Variants in LRBA observed in about 807,000 individuals in gnomAD.
The protein encoded by LRBA is lipopolysaccharide-responsive and beige-like anchor protein.
LRBA carries 176 observed loss-of-function variants against 330.0 expected under a neutral mutation model. The observed-to-expected ratio is 0.53, with a 90% CI of 0.47 to 0.60. The LOEUF is 0.60. Among genes scored for constraint, LRBA ranks in the 20% least tolerant of loss-of-function variants. LRBA has a pLI of 0.00. For synonymous variants in LRBA, 1,230 were observed against 1,193.0 expected, an observed-to-expected ratio of 1.03 and a Z score of -0.64; for missense variants, 3,259 against 3,444.8, an observed-to-expected ratio of 0.95 and a Z score of 1.35.
intron 37 of LRBA, among the ~76,000 whole-genome samples, chr4:150,671,029 TGTGTGTGTGTGTGAGAGA>T: frequency 6.8e-6 from 1 of 147,680 alleles, no homozygotes; most frequent in East Asian, 2.0e-4. Flanking sequence ...TGTGTGTGTG[TGTGTGTGTGTGTGAGAGA>T]GAGAGAGAGA....
At chr4:150,978,061 G>A (rs1281469868) in intron 2 of LRBA, among the ~76,000 whole-genome samples, 1 of 152,150 alleles carries the variant, frequency 6.6e-6, no homozygotes, top group Admixed American at 6.5e-5. Context: ...CCAGGTAGTG[G>A]TTATAGCAGG....
chr4:150,340,878 C>T (rs972823444), intron 48 of LRBA, among the ~76,000 whole-genome samples: 79 of 152,058 alleles, frequency 5.2e-4, no homozygotes, highest in African/African-American at 1.7e-3. Context: ...AGAGAACAGA[C>T]GACATGAGAT....
chr4:150,586,825 A>T (rs1200438551), intron 40 of LRBA, among the ~76,000 whole-genome samples: 3 of 152,206 alleles, frequency 2.0e-5, no homozygotes, highest in South Asian at 2.1e-4. Context: ...TAAAAGCATG[A>T]TAGAATATCT....
At chr4:150,556,097 T>C (rs1767285415) in intron 40 of LRBA, among the ~76,000 whole-genome samples, 1 of 151,988 alleles carries the variant, frequency 6.6e-6, no homozygotes, top group African/African-American at 2.4e-5. Flanking sequence ...GCCACTGTGC[T>C]CAGCCTAGAA....
At chr4:150,611,255 G>A (rs1220735528) in intron 37 of LRBA, among the ~76,000 whole-genome samples, 1 of 152,118 alleles carries the variant, frequency 6.6e-6, no homozygotes, top group Non-Finnish European at 1.5e-5. Context: ...ATGCTAGTAC[G>A]TATTTTACAT....
intron 2 of LRBA, among the ~76,000 whole-genome samples, chr4:150,974,544 C>T (rs888705418): frequency 1.3e-5 from 2 of 152,128 alleles, no homozygotes; most frequent in Admixed American, 1.3e-4. Context: ...AGTTGTACAA[C>T]TAAACAAGGA....
chr4:150,780,933 G>C (rs911606923), intron 34 of LRBA, among the ~76,000 whole-genome samples: 11 of 152,034 alleles, frequency 7.2e-5, no homozygotes, highest in African/African-American at 2.7e-4. Flanking sequence ...AGGCTGGAGT[G>C]CAGTGGCACC....
intron 40 of LRBA, among the ~76,000 whole-genome samples, chr4:150,536,284 G>C (rs1406353776): frequency 1.3e-5 from 2 of 152,100 alleles, no homozygotes. Flanking sequence ...TATTGATTAG[G>C]TATGAGATAA....
intron 46 of LRBA, among the ~76,000 whole-genome samples, chr4:150,427,878 T>C (rs762419914): frequency 1.8e-4 from 27 of 152,006 alleles, no homozygotes; most frequent in Non-Finnish European, 3.1e-4. Context: ...ATGTTGATGA[T>C]ATCAGCATCC....
chr4:150,954,857 G>A (rs2149552726), intron 2 of LRBA, among the ~76,000 whole-genome samples: 2 of 107,292 alleles, frequency 1.9e-5, no homozygotes, highest in East Asian at 2.7e-4. Context: ...GGAACACCAA[G>A]TATATCATTT....
chr4:150,687,871 T>C (rs113284641), intron 36 of LRBA, among the ~76,000 whole-genome samples: 12 of 152,264 alleles, frequency 7.9e-5, no homozygotes, highest in Middle Eastern at 3.4e-3. Context: ...AAAATGGCCA[T>C]ACTATCCAAA....
chr4:150,639,819 GTATATATATA>G (rs56731034), intron 37 of LRBA, among the ~76,000 whole-genome samples: 69 of 4,518 alleles, frequency 0.015, 3 homozygotes, highest in Middle Eastern at 0.12. Context: ...GTGTGTGTGT[GTATATATATA>G]TATATATATA....
intron 50 of LRBA, among the ~76,000 whole-genome samples, chr4:150,316,225 T>A (rs1313371268): frequency 6.6e-6 from 1 of 152,188 alleles, no homozygotes; most frequent in Non-Finnish European, 1.5e-5. Flanking sequence ...AAAAAGAAGT[T>A]TTATTAATAT....
At chr4:150,334,376 A>G (rs1734357250) in intron 48 of LRBA, among the ~76,000 whole-genome samples, 1 of 152,194 alleles carries the variant, frequency 6.6e-6, no homozygotes, top group African/African-American at 2.4e-5. Context: ...GAAATTCAAC[A>G]GAAGTGATTC....
chr4:150,276,126 C>T (rs1344709830), intron 56 of LRBA, among the ~76,000 whole-genome samples: 3 of 152,146 alleles, frequency 2.0e-5, no homozygotes, highest in Non-Finnish European at 4.4e-5. Context: ...AGAAATAACA[C>T]CATGCATCTA....
At chr4:150,860,556 G>A (rs764773010) in intron 22 of LRBA, among the ~76,000 whole-genome samples, 4 of 152,118 alleles carry the variant, frequency 2.6e-5, no homozygotes, top group South Asian at 4.1e-4. Flanking sequence ...GGCCGGGCGC[G>A]GTGGTTCACA....
intron 36 of LRBA, among the ~76,000 whole-genome samples, chr4:150,718,520 T>C (rs1025367134): frequency 1.3e-5 from 2 of 152,014 alleles, no homozygotes; most frequent in Non-Finnish European, 2.9e-5. Context: ...AGTTAGAACA[T>C]GAGCATACTT....
At chr4:150,426,429 A>T (rs906966713) in intron 46 of LRBA, among the ~76,000 whole-genome samples, 1 of 151,990 alleles carries the variant, frequency 6.6e-6, no homozygotes, top group Admixed American at 6.6e-5. Context: ...TAGTAGAAAA[A>T]ATAATTGGGT....
chr4:150,670,911 C>T (rs1275666501), intron 37 of LRBA, among the ~76,000 whole-genome samples: 1 of 151,800 alleles, frequency 6.6e-6, no homozygotes, highest in East Asian at 1.9e-4. Flanking sequence ...ATTTTAGATT[C>T]ATTATCTTTC....
Sources: allele counts gnomAD v4.1 joint callset (sites outside exome capture counted in the v4.1 genomes callset), GRCh38; gene constraint gnomAD v4.1.1; transcripts MANE v1.5; gene names NCBI Gene and HGNC (gene_info 2026-07-23, HGNC 2026-07-21).